CA10: variants seen among roughly 807,000 people sequenced by gnomAD.
The protein encoded by CA10 is carbonic anhydrase 10 (inactive), also known as carbonic anhydrase-related protein 10.
Under a neutral mutation model 44.2 loss-of-function variants are expected in CA10, and 14 were observed. The ratio of observed to expected loss-of-function variants is 0.32; its 90% CI spans 0.21 to 0.50. CA10 has a LOEUF of 0.50. Among genes scored for constraint, CA10 ranks in the 20% least tolerant of loss-of-function variants. The pLI is 0.99. For synonymous variants in CA10, 159 were observed against 141.6 expected (o/e 1.12, Z -0.87); for missense variants, 350 against 409.7 (o/e 0.85, Z 1.26).
intron 2 of CA10, among the ~76,000 whole-genome samples, chr17:52,043,358 CTCT>C (rs1407161994): frequency 1.3e-5 from 2 of 151,760 alleles, no homozygotes; most frequent in African/African-American, 2.4e-5. Context: ...TTTTCTTAAT[CTCT>C]TTTTTGCATA....
At chr17:51,652,609 G>A (rs1913614199) in intron 5 of CA10, among the ~76,000 whole-genome samples, 1 of 152,238 alleles carries the variant, frequency 6.6e-6, no homozygotes, top group African/African-American at 2.4e-5. Flanking sequence ...GAGGAAGTTA[G>A]GAGGGGGCAT....
chr17:52,061,467 T>TA (rs544654527), intron 2 of CA10, among the ~76,000 whole-genome samples: 14 of 152,206 alleles, frequency 9.2e-5, no homozygotes, highest in Non-Finnish European at 2.1e-4. Context: ...TGTTTCTAGC[T>TA]ACTAACTTTA....
chr17:51,995,880 T>A (rs1985217613), intron 2 of CA10, among the ~76,000 whole-genome samples: 1 of 152,088 alleles, frequency 6.6e-6, no homozygotes, highest in Non-Finnish European at 1.5e-5. Flanking sequence ...AGCTGTCATT[T>A]TTCTCCTTCT....
At chr17:51,708,300 G>A (rs184461378) in intron 4 of CA10, among the ~76,000 whole-genome samples, 7 of 152,332 alleles carry the variant, frequency 4.6e-5, no homozygotes, top group Non-Finnish European at 1.0e-4. Context: ...TGATGGCCAT[G>A]CTGATGGGAC....
Position 51,948,213 on chromosome 17 carries a change from T to C in CA10, c.137-17081A>G, listed in dbSNP as rs111251642. On this transcript the variant is annotated intron_variant, in intron 2 of 8. Coordinates refer to ENST00000451037, the MANE Select transcript of CA10 (RefSeq NM_020178.5). The stretch of plus-strand genomic sequence containing the variant: ...TCCACTTTTCTACACTCCGCCTGTA[T>C]TGCTGGGGCAGGGGCTCAATAAGCC... Among the ~76,000 whole-genome samples, 614 of 152,250 alleles carry C rather than the reference T, an allele frequency of 4.0e-3. 2 individuals are homozygous for C. Among genetic ancestry groups the C allele is most frequent in the African/African-American group, 0.014 (580 of 41,570 alleles).
At chr17:51,868,057 AACACACACACACACACACAC>A (rs34631877) in intron 3 of CA10, among the ~76,000 whole-genome samples, 1 of 144,848 alleles carries the variant, frequency 6.9e-6, no homozygotes, top group Admixed American at 6.9e-5. Context: ...AAGCAGGTGT[AACACACACACACACACACAC>A]ACACACACAC....
chr17:51,794,087 CT>C (rs1365938549), intron 3 of CA10, among the ~76,000 whole-genome samples: 20 of 152,356 alleles, frequency 1.3e-4, no homozygotes, highest in African/African-American at 4.1e-4. Flanking sequence ...ATTAAAACAA[CT>C]GCTTTCCTGC....
intron 3 of CA10, among the ~76,000 whole-genome samples, chr17:51,810,788 G>A (rs923072105): frequency 6.6e-6 from 1 of 152,162 alleles, no homozygotes; most frequent in Non-Finnish European, 1.5e-5. Context: ...TACCCTCCAG[G>A]AGCTGGGCTG....
chr17:52,053,372 A>G (rs1461906638), intron 2 of CA10, among the ~76,000 whole-genome samples: 1 of 152,132 alleles, frequency 6.6e-6, no homozygotes, highest in Non-Finnish European at 1.5e-5. Flanking sequence ...ATAGCATGAG[A>G]GAGAAGAACC....
chr17:51,637,247 A>G (rs1912873072), intron 6 of CA10, among the ~76,000 whole-genome samples: 1 of 151,982 alleles, frequency 6.6e-6, no homozygotes, highest in South Asian at 2.1e-4. Flanking sequence ...CTGATCTTCT[A>G]CCTGCTTCTC....
intron 2 of CA10, among the ~76,000 whole-genome samples, chr17:52,026,431 G>C (rs1254664006): frequency 1.3e-5 from 2 of 152,068 alleles, no homozygotes; most frequent in African/African-American, 4.8e-5. Context: ...CAGAGACCTA[G>C]AGTTTTCAAA....
At chr17:51,932,692 A>G (rs969620469) in intron 2 of CA10, among the ~76,000 whole-genome samples, 1 of 152,120 alleles carries the variant, frequency 6.6e-6, no homozygotes, top group African/African-American at 2.4e-5. Flanking sequence ...CAGAGGGAGA[A>G]AGAGGAGGAG....
intron 3 of CA10, among the ~76,000 whole-genome samples, chr17:51,880,835 C>G (rs1793813432): frequency 6.6e-6 from 1 of 151,600 alleles, no homozygotes; most frequent in African/African-American, 2.4e-5. Context: ...AAGAAAGAAA[C>G]TAAAAGAGGG....
chr17:51,719,567 C>G (rs1007257515), intron 4 of CA10, among the ~76,000 whole-genome samples: 1 of 152,018 alleles, frequency 6.6e-6, no homozygotes, highest in Non-Finnish European at 1.5e-5. Flanking sequence ...TTCATGATAT[C>G]CCAGTCTTAT....
chr17:51,733,335 C>T (rs151023005), intron 4 of CA10, among the ~76,000 whole-genome samples: 7 of 152,252 alleles, frequency 4.6e-5, no homozygotes, highest in East Asian at 1.9e-4. Flanking sequence ...AGCCACGCTT[C>T]GCCTCACTGT....
intron 1 of CA10, among the ~76,000 whole-genome samples, chr17:52,080,571 T>C (rs1987947695): frequency 6.6e-6 from 1 of 152,202 alleles, no homozygotes; most frequent in South Asian, 2.1e-4. Flanking sequence ...GTCCCTATTA[T>C]GGCTAATTCT....
At chr17:52,072,678 T>TAC (rs58984767) in intron 1 of CA10, among the ~76,000 whole-genome samples, 11,193 of 140,032 alleles carry the variant, frequency 0.08, 448 homozygotes, top group Admixed American at 0.15. Context: ...ATCTTCCCCA[T>TAC]ACACACACAC....
intron 2 of CA10, among the ~76,000 whole-genome samples, chr17:51,994,803 TTGAA>T (rs1178969445): frequency 6.0e-5 from 9 of 150,854 alleles, no homozygotes; most frequent in African/African-American, 2.2e-4. Flanking sequence ...GCAAAAAGAA[TTGAA>T]TGATTTAAAT....
chr17:51,841,158 C>G (rs1978315764), intron 3 of CA10, among the ~76,000 whole-genome samples: 1 of 152,156 alleles, frequency 6.6e-6, no homozygotes, highest in African/African-American at 2.4e-5. Context: ...CTTCCATTCC[C>G]TTTCCTACAG....
Sources: gnomAD v4.1 joint callset for allele counts (sites outside exome capture counted in the v4.1 genomes callset) on GRCh38, gnomAD v4.1.1 for gene constraint, MANE v1.5 for transcripts, NCBI Gene and HGNC (gene_info 2026-07-23, HGNC 2026-07-21) for gene names.